IFT88: variants seen among roughly 807,000 people sequenced by gnomAD.
IFT88 encodes intraflagellar transport 88, also known as intraflagellar transport protein 88 homolog.
IFT88 carries 74 observed loss-of-function variants against 119.5 expected under a neutral mutation model. The ratio of observed to expected loss-of-function variants is 0.62; its 90% CI spans 0.51 to 0.75. IFT88 has a LOEUF of 0.75. IFT88 is among the 30% of genes least tolerant of loss of function. The pLI is 0.00. For synonymous variants in IFT88, 279 were observed against 316.7 expected, an observed-to-expected ratio of 0.88 and a Z score of 1.26; for missense variants, 961 against 977.7, an observed-to-expected ratio of 0.98 and a Z score of 0.23.
At chr13:20,584,168 AT>A (rs1052906355) in intron 3 of IFT88, among the ~76,000 whole-genome samples, 2 of 151,178 alleles carry the variant, frequency 1.3e-5, no homozygotes, top group African/African-American at 4.9e-5. Flanking sequence ...AAAAAAAAAA[AT>A]GTCATTTGGA....
Position 20,601,934 on chromosome 13 carries a change from G to A in IFT88, c.1041+1G>A. ...TGAAGATAAATATATTTCACCAAGT[G>A]TGAGTATGAAAAAGACATTTCTGTA... On this transcript the variant is annotated splice_donor_variant, in intron 12 of 25. Transcript: ENST00000351808. LOFTEE classifies it high-confidence loss of function. 1 of 1,511,258 alleles carries A rather than the reference G, an allele frequency of 6.6e-7. No homozygotes were observed. The highest frequency in any genetic ancestry group is 1.1e-5 in the South Asian group (1 of 88,228). 93.6% of individuals were successfully genotyped at this position (1,511,258 alleles called of 1,614,324 possible).
intron 12 of IFT88, among the ~76,000 whole-genome samples, chr13:20,602,206 C>CTT (rs11458148): frequency 0.86 from 101,342 of 118,230 alleles, 44,314 homozygotes; most frequent in East Asian, 0.97. Context: ...AGCATAATAT[C>CTT]TTTTTTTTTT....
intron 20 of IFT88, among the ~76,000 whole-genome samples, chr13:20,650,583 A>G (rs1026544044): frequency 6.6e-6 from 1 of 152,164 alleles, no homozygotes; most frequent in African/African-American, 2.4e-5. Flanking sequence ...ACTGCTTCTG[A>G]TCAACATGGT....
At chr13:20,603,312 C>T (rs547337107) in intron 12 of IFT88, among the ~76,000 whole-genome samples, 10 of 149,750 alleles carry the variant, frequency 6.7e-5, no homozygotes, top group Non-Finnish European at 8.9e-5. Flanking sequence ...CACTTGAACC[C>T]GGAAGGTGGA....
intron 24 of IFT88, among the ~76,000 whole-genome samples, chr13:20,686,088 A>G (rs1449918091): frequency 6.6e-6 from 1 of 152,090 alleles, no homozygotes; most frequent in African/African-American, 2.4e-5. Flanking sequence ...CTTCTTCCCC[A>G]CTGTGGTGAG....
chr13:20,589,842 C>T lies in IFT88; in HGVS notation c.185C>T (p.Thr62Ile). ...GCTAAAATATCAAGCACGGCAGTTA[C>T]TAGACCTATAGCTACTGGATATGGG... ...ITAKISSTAV[T>I]RPIATGYGSK... The change falls in exon 4 of 26, where the codon ACT (threonine) becomes ATT (isoleucine). Residue 62 changes from threonine to isoleucine, a missense_variant. Coordinates refer to ENST00000351808, the MANE Select transcript of IFT88 (RefSeq NM_006531.5). 6.3e-7 allele frequency: 1 copy of T among 1,599,374 alleles called. No individual in the cohort carries two copies. Among genetic ancestry groups the T allele is most frequent in the Non-Finnish European group, 8.5e-7 (1 of 1,170,020 alleles).
chr13:20,597,725 G>A (rs558851692), intron 9 of IFT88, among the ~76,000 whole-genome samples: 108 of 149,746 alleles, frequency 7.2e-4, no homozygotes, highest in African/African-American at 2.3e-3. Context: ...GAGCCTGGGC[G>A]ACAGAGCGAG....
At chr13:20,655,079 A>T (rs949840242) in intron 21 of IFT88, among the ~76,000 whole-genome samples, 5 of 152,204 alleles carry the variant, frequency 3.3e-5, no homozygotes, top group Non-Finnish European at 7.3e-5. Flanking sequence ...TTTGGCTGCT[A>T]CATGAAGCTA....
At chr13:20,575,936 A>G (rs1401442652) in intron 2 of IFT88, among the ~76,000 whole-genome samples, 20 of 152,200 alleles carry the variant, frequency 1.3e-4, no homozygotes, top group Admixed American at 1.3e-3. Flanking sequence ...TTTTTTGAGG[A>G]ACCTCTAAAC....
chr13:20,623,790 T>G (rs140249253), intron 14 of IFT88, among the ~76,000 whole-genome samples: 137 of 152,330 alleles, frequency 9.0e-4, no homozygotes, highest in African/African-American at 3.1e-3. Flanking sequence ...TTATTTATGT[T>G]TTAAAAAATT....
intron 14 of IFT88, among the ~76,000 whole-genome samples, chr13:20,624,518 A>G (rs546301142): frequency 1.3e-5 from 2 of 152,294 alleles, no homozygotes; most frequent in Non-Finnish European, 2.9e-5. Context: ...CCTGCACTTG[A>G]GGCCTAACAT....
intron 22 of IFT88, among the ~76,000 whole-genome samples, chr13:20,662,945 A>G (rs544073361): frequency 3.3e-4 from 50 of 152,360 alleles, no homozygotes; most frequent in African/African-American, 1.2e-3. Flanking sequence ...TATACAAGAC[A>G]TGATTAACAC....
intron 14 of IFT88, among the ~76,000 whole-genome samples, chr13:20,624,181 G>A (rs2046962640): frequency 6.6e-6 from 1 of 152,068 alleles, no homozygotes; most frequent in Admixed American, 6.6e-5. Context: ...ATAACATCCT[G>A]TGTATGTCAT....
In IFT88 at chr13:20,688,216, G is replaced by A. The variant is rs551801959; in HGVS notation, c.2243-2489G>A. On this transcript the variant is annotated intron_variant, in intron 24 of 25. Coordinates refer to ENST00000351808, the MANE Select transcript of IFT88 (RefSeq NM_006531.5). The stretch of plus-strand genomic sequence containing the variant: ...AAAAAAATTAGCCGGGCGTGGTAGC[G>A]CATGCCTGTAATCCCAGCTACTCGA... Among the ~76,000 whole-genome samples, 20 of 152,238 alleles carry A rather than the reference G, an allele frequency of 1.3e-4. No individual in the cohort carries two copies. In the South Asian group the frequency reaches 2.7e-3, roughly 21 times the overall value.
At chr13:20,649,955 T>A (rs1030205381) in intron 20 of IFT88, among the ~76,000 whole-genome samples, 2 of 152,132 alleles carry the variant, frequency 1.3e-5, no homozygotes, top group Admixed American at 6.5e-5. Context: ...TGCATAGACC[T>A]ATAACCAGTA....
chr13:20,636,166 C>G (rs2048998990), intron 16 of IFT88, among the ~76,000 whole-genome samples: 1 of 152,150 alleles, frequency 6.6e-6, no homozygotes, highest in South Asian at 2.1e-4. Context: ...GGTGTGTAGG[C>G]TGCTATGGAA....
At chr13:20,641,440 C>T in intron 18 of IFT88, 42 bp downstream of exon 18, 2 of 1,172,738 alleles carry the variant, frequency 1.7e-6, no homozygotes, top group Non-Finnish European at 1.3e-6. Flanking sequence ...TTAATTCTCT[C>T]AATTGGTGAT....
At chr13:20,584,985 T>G (rs886878367) in intron 3 of IFT88, among the ~76,000 whole-genome samples, 1 of 152,234 alleles carries the variant, frequency 6.6e-6, no homozygotes, top group African/African-American at 2.4e-5. Context: ...AATAAAGAGC[T>G]ATCCAGCCGA....
In IFT88 at chr13:20,644,900, A is replaced by G; in HGVS notation, c.1891A>G (p.Ile631Val). Residue 631 changes from isoleucine (I) to valine (V), a missense_variant, in exon 20 of 26, where the codon ATT (isoleucine) becomes GTT (valine). Ile to Val is a conservative substitution (Grantham distance 29). Coordinates refer to ENST00000351808, the MANE Select transcript of IFT88 (RefSeq NM_006531.5). ...CATTGAGTGGCTTGGAGCCTATTAC[A>G]TTGACACCCAATTTTGGGAAAAAGC... is the stretch of plus-strand genomic sequence containing the variant. ...EVIEWLGAYYIDTQFWEKAIQ... is the reference protein window; with the variant it reads ...EVIEWLGAYYVDTQFWEKAIQ... 5 of 1,607,358 alleles carry G rather than the reference A, an allele frequency of 3.1e-6. No individual in the cohort carries two copies. The highest frequency in any genetic ancestry group is 4.3e-6 in the Non-Finnish European group (5 of 1,175,328).
Sources: allele counts gnomAD v4.1 joint callset (sites outside exome capture counted in the v4.1 genomes callset), GRCh38; gene constraint gnomAD v4.1.1; transcripts MANE v1.5; gene names NCBI Gene and HGNC (gene_info 2026-07-23, HGNC 2026-07-21).